The following NUDCD3 variants were observed in gnomAD, a reference collection of about 807,000 sequenced individuals.
The protein encoded by NUDCD3 is NudC domain containing 3, also known as nudC domain-containing protein 3.
A neutral mutation model predicts 39.7 loss-of-function variants in NUDCD3; 13 were observed. The ratio of observed to expected loss-of-function variants is 0.33; its 90% CI spans 0.21 to 0.52. The LOEUF is 0.52. NUDCD3 is among the 20% of genes least tolerant of loss of function. The pLI is 0.96. For synonymous variants in NUDCD3, 175 were observed against 172.4 expected (o/e 1.02, Z -0.12); for missense variants, 453 against 458.1 (o/e 0.99, Z 0.10).
intron 1 of NUDCD3, chr7:44,485,544 A>G (rs1448107849): frequency 2.4e-6 from 1 of 409,684 alleles, no homozygotes; most frequent in African/African-American, 2.0e-5. Flanking sequence ...AAAGATGTAC[A>G]GTTAGATGGT....
At chr7:44,448,531 C>T (rs1799729258) in intron 2 of NUDCD3, among the ~76,000 whole-genome samples, 1 of 152,214 alleles carries the variant, frequency 6.6e-6, no homozygotes, top group Non-Finnish European at 1.5e-5. Flanking sequence ...GCTTCTTCAG[C>T]TTTCCTGATC....
chr7:44,479,049 C>A (rs73107418), intron 2 of NUDCD3, among the ~76,000 whole-genome samples: 20,590 of 152,150 alleles, frequency 0.14, 1,728 homozygotes, highest in Non-Finnish European at 0.19. Flanking sequence ...AGCAGGAAGA[C>A]GTGCCAAGCA....
At chr7:44,473,368 G>A (rs1007347806) in intron 2 of NUDCD3, among the ~76,000 whole-genome samples, 2 of 152,224 alleles carry the variant, frequency 1.3e-5, no homozygotes, top group African/African-American at 4.8e-5. Context: ...TCAACAACAT[G>A]AGCCTGGGTC....
chr7:44,467,817 T>TAA (rs762134645), intron 2 of NUDCD3: 1,039 of 859,400 alleles, frequency 1.2e-3, no homozygotes, highest in Non-Finnish European at 1.4e-3. Context: ...AAGACCTCAG[T>TAA]AAAAAAAAAA....
chr7:44,437,765 A>G (rs1054690984), intron 2 of NUDCD3, among the ~76,000 whole-genome samples: 1 of 152,264 alleles, frequency 6.6e-6, no homozygotes, highest in East Asian at 1.9e-4. Flanking sequence ...ATAAGGCAAG[A>G]TACTTGGAGT....
At chr7:44,446,497 G>A (rs910064996) in intron 2 of NUDCD3, among the ~76,000 whole-genome samples, 1 of 152,242 alleles carries the variant, frequency 6.6e-6, no homozygotes, top group African/African-American at 2.4e-5. Flanking sequence ...AAGCCTTGGT[G>A]TTAGCCAATT....
At chr7:44,423,330 T>C (rs963044696) in intron 3 of NUDCD3, among the ~76,000 whole-genome samples, 3 of 152,142 alleles carry the variant, frequency 2.0e-5, no homozygotes, top group Non-Finnish European at 4.4e-5. Flanking sequence ...CGTATTCAAA[T>C]AGGAAGGGAG....
intron 2 of NUDCD3, among the ~76,000 whole-genome samples, chr7:44,428,120 C>CT (rs1345579728): frequency 1.1e-5 from 1 of 87,226 alleles, no homozygotes; most frequent in Non-Finnish European, 2.2e-5. Flanking sequence ...CAGGGTCAAT[C>CT]TTTAAAAAAA....
chr7:44,426,440 T>TG (rs1433605617), intron 3 of NUDCD3, among the ~76,000 whole-genome samples: 1 of 152,002 alleles, frequency 6.6e-6, no homozygotes, highest in Non-Finnish European at 1.5e-5. Flanking sequence ...AAAGAGGGTG[T>TG]GGGGATCAGG....
chr7:44,430,554 C>CCCCACACA (rs1799339303), intron 2 of NUDCD3, among the ~76,000 whole-genome samples: 1 of 140,772 alleles, frequency 7.1e-6, no homozygotes, highest in African/African-American at 2.8e-5. Context: ...AATAAAATAC[C>CCCCACACA]CACACACACA....
intron 2 of NUDCD3, among the ~76,000 whole-genome samples, chr7:44,459,176 T>C (rs1799959548): frequency 6.6e-6 from 1 of 152,040 alleles, no homozygotes; most frequent in Non-Finnish European, 1.5e-5. Flanking sequence ...ATATATTCTA[T>C]TGTAGATGGA....
intron 2 of NUDCD3, among the ~76,000 whole-genome samples, chr7:44,465,258 A>AC (rs2116955389): frequency 6.6e-6 from 1 of 152,332 alleles, no homozygotes; most frequent in Admixed American, 6.5e-5. Flanking sequence ...ATCTCACATC[A>AC]TTCTCCCGTA....
chr7:44,466,521 T>C (rs574044141), intron 2 of NUDCD3, among the ~76,000 whole-genome samples: 2 of 152,206 alleles, frequency 1.3e-5, no homozygotes, highest in Middle Eastern at 3.2e-3. Flanking sequence ...ATCTGTGAAG[T>C]GCTCATCCTG....
At chr7:44,486,749 C>G (rs1255393680) in intron 1 of NUDCD3, among the ~76,000 whole-genome samples, 1 of 152,158 alleles carries the variant, frequency 6.6e-6, no homozygotes, top group Non-Finnish European at 1.5e-5. Context: ...CCTGAGACTT[C>G]GAACACAGAA....
At chr7:44,444,879 G>GA (rs1799660126) in intron 2 of NUDCD3, among the ~76,000 whole-genome samples, 1 of 152,226 alleles carries the variant, frequency 6.6e-6, no homozygotes, top group African/African-American at 2.4e-5. Flanking sequence ...TATTCCCAGC[G>GA]AAACATCTTG....
chr7:44,475,840 T>A (rs1482676345), intron 2 of NUDCD3, among the ~76,000 whole-genome samples: 1 of 152,040 alleles, frequency 6.6e-6, no homozygotes, highest in African/African-American at 2.4e-5. Flanking sequence ...AAAAAGTTAA[T>A]AGGAAGTGAA....
intron 3 of NUDCD3, among the ~76,000 whole-genome samples, chr7:44,409,554 C>T (rs1415410092): frequency 6.6e-6 from 1 of 150,948 alleles, no homozygotes; most frequent in East Asian, 1.9e-4. Context: ...AAATCCATTT[C>T]TCAATAACAG....
chr7:44,384,124 G>C lies in NUDCD3; in HGVS notation c.*1887C>G, dbSNP rs950852288. 1 of 152,220 alleles carries C rather than the reference G, an allele frequency of 6.6e-6. No homozygotes were observed. Among genetic ancestry groups the C allele is most frequent in the Non-Finnish European group, 1.5e-5 (1 of 68,052 alleles). 9.4% of individuals were successfully genotyped at this position (152,220 alleles called of 1,614,324 possible). A position where few individuals can be genotyped will look rare whatever the true frequency, so the allele number is the denominator to read the frequency against. Reference sequence around the variant, plus strand: ...AAAGTCTCCCAAATAACAAGGTGTAGGGCATCTCACACCACTGCATCACTT... The same window carrying C: ...AAAGTCTCCCAAATAACAAGGTGTACGGCATCTCACACCACTGCATCACTT... On this transcript the variant is annotated 3_prime_UTR_variant, in exon 6 of 6. Coordinates refer to ENST00000355451, the MANE Select transcript of NUDCD3 (RefSeq NM_015332.4).
intron 2 of NUDCD3, among the ~76,000 whole-genome samples, chr7:44,446,150 C>G (rs1799686646): frequency 6.6e-6 from 1 of 152,212 alleles, no homozygotes. Flanking sequence ...CTTAGCCAAG[C>G]CTGTGACCTC....
Sources: allele counts gnomAD v4.1 joint callset (sites outside exome capture counted in the v4.1 genomes callset), GRCh38; gene constraint gnomAD v4.1.1; transcripts MANE v1.5; gene names NCBI Gene and HGNC (gene_info 2026-07-23, HGNC 2026-07-21).